Variants in TENM3 observed in about 807,000 individuals in gnomAD.
TENM3 encodes the protein teneurin-3.
TENM3 carries 63 observed loss-of-function variants against 255.1 expected under a neutral mutation model. The ratio of observed to expected loss-of-function variants is 0.25; its 90% CI spans 0.20 to 0.30. TENM3 has a LOEUF of 0.30. Among genes scored for constraint, TENM3 ranks in the 10% least tolerant of loss-of-function variants. The pLI, the probability that TENM3 is intolerant of heterozygous loss-of-function variation, is 1.00. For synonymous variants in TENM3, 1,306 were observed against 1,322.3 expected (o/e 0.99, Z 0.27); for missense variants, 2,929 against 3,461.1 (o/e 0.85, Z 3.86).
chr4:182,678,874 A>G (rs760860297), intron 7 of TENM3, among the ~76,000 whole-genome samples: 11 of 152,184 alleles, frequency 7.2e-5, no homozygotes, highest in South Asian at 2.1e-4. Context: ...AAAGTCAAAT[A>G]CTGCATGTTC....
chr4:182,126,790 C>T, the TENM3 span, among the ~76,000 whole-genome samples: 1 of 152,186 alleles, frequency 6.6e-6, no homozygotes, highest in Non-Finnish European at 1.5e-5. Flanking sequence ...CTGACTATGC[C>T]TATGGTCTGT....
chr4:182,775,380 T>C (rs994700159), intron 24 of TENM3, among the ~76,000 whole-genome samples: 3 of 151,898 alleles, frequency 2.0e-5, no homozygotes, highest in African/African-American at 7.3e-5. Context: ...AATAGGACAC[T>C]AGAGGGAAAA....
chr4:181,534,953 A>G, the TENM3 span, among the ~76,000 whole-genome samples: 3 of 152,192 alleles, frequency 2.0e-5, no homozygotes, highest in South Asian at 6.2e-4. Context: ...AAGGAGGGTG[A>G]GCCTTTCTTT....
intron 3 of TENM3, among the ~76,000 whole-genome samples, chr4:182,469,985 G>C (rs538695185): frequency 6.6e-6 from 1 of 152,036 alleles, no homozygotes; most frequent in African/African-American, 2.4e-5. Context: ...AATATCCAGC[G>C]GGGACAGGGC....
At chr4:181,970,316 A>G in the TENM3 span, among the ~76,000 whole-genome samples, 1 of 152,234 alleles carries the variant, frequency 6.6e-6, no homozygotes, top group East Asian at 1.9e-4. Context: ...GATCTACAGC[A>G]AATTAGGTCA....
At chr4:182,258,071 G>A (rs1484159914) in intron 1 of TENM3, among the ~76,000 whole-genome samples, 1 of 151,728 alleles carries the variant, frequency 6.6e-6, no homozygotes, top group African/African-American at 2.4e-5. Context: ...TATATATGTA[G>A]ATATATACAC....
At chr4:182,014,858 C>T in the TENM3 span, among the ~76,000 whole-genome samples, 290 of 152,168 alleles carry the variant, frequency 1.9e-3, 2 homozygotes, top group Middle Eastern at 3.4e-3. Flanking sequence ...CATTTCCAAC[C>T]GACATGCAGA....
chr4:182,225,021 C>T (rs780450854), intron 1 of TENM3, among the ~76,000 whole-genome samples: 27 of 152,226 alleles, frequency 1.8e-4, no homozygotes, highest in Non-Finnish European at 3.4e-4. Flanking sequence ...CAGGAGCCAC[C>T]GCTCCCTGGC....
chr4:181,755,317 G>A, the TENM3 span, among the ~76,000 whole-genome samples: 3 of 151,848 alleles, frequency 2.0e-5, no homozygotes, highest in Admixed American at 6.6e-5. Flanking sequence ...ACTTTCCAAT[G>A]TACTAGTTTT....
At chr4:181,690,509 TTG>T in the TENM3 span, among the ~76,000 whole-genome samples, 153 of 152,308 alleles carry the variant, frequency 1.0e-3, no homozygotes, top group African/African-American at 3.4e-3. Context: ...AAATAAATAA[TTG>T]TCTTTTCTGA....
intron 3 of TENM3, among the ~76,000 whole-genome samples, chr4:182,502,675 C>G (rs1238793188): frequency 6.6e-6 from 1 of 151,978 alleles, no homozygotes; most frequent in East Asian, 1.9e-4. Context: ...CCTCTTTTAA[C>G]TCTGAGAATG....
At chr4:181,813,541 A>G in the TENM3 span, among the ~76,000 whole-genome samples, 1 of 152,244 alleles carries the variant, frequency 6.6e-6, no homozygotes, top group Non-Finnish European at 1.5e-5. Context: ...ACCCAGATCC[A>G]GCATACACAA....
chr4:182,141,560 G>C (rs766227194), upstream of TENM3: 1 of 152,222 alleles, frequency 6.6e-6, no homozygotes, highest in Admixed American at 6.5e-5. Context: ...GGCAGACGTA[G>C]AGGAGGACCC....
At chr4:181,967,874 G>A in the TENM3 span, among the ~76,000 whole-genome samples, 1 of 152,118 alleles carries the variant, frequency 6.6e-6, no homozygotes, top group African/African-American at 2.4e-5. Context: ...ATTTCACACA[G>A]TTTGGCTGCT....
chr4:182,358,641 A>G (rs1448581184), intron 3 of TENM3, among the ~76,000 whole-genome samples: 3 of 151,162 alleles, frequency 2.0e-5, no homozygotes. Context: ...GGTTTTCTAG[A>G]TATACAATCA....
chr4:181,760,466 TTCCCACTGTTAACA>T, the TENM3 span, among the ~76,000 whole-genome samples: 1 of 152,204 alleles, frequency 6.6e-6, no homozygotes, highest in East Asian at 1.9e-4. Flanking sequence ...ATTGTGTAAT[TTCCCACTGTTAACA>T]CAGAATTAAT....
At chr4:181,465,290 A>C in the TENM3 span, among the ~76,000 whole-genome samples, 1 of 152,048 alleles carries the variant, frequency 6.6e-6, no homozygotes, top group Non-Finnish European at 1.5e-5. Flanking sequence ...GAAAAAAAAA[A>C]AAACTTGGTA....
chr4:181,641,762 A>G, the TENM3 span, among the ~76,000 whole-genome samples: 2 of 120,726 alleles, frequency 1.7e-5, no homozygotes, highest in South Asian at 2.6e-4. Context: ...TGGTGTGTAT[A>G]TATATATATA....
chr4:182,356,484 T>C lies in TENM3; in HGVS notation c.511+9555T>C, dbSNP rs568705048. On this transcript the variant is annotated intron_variant, in intron 3 of 27. Coordinates refer to ENST00000511685, the MANE Select transcript of TENM3 (RefSeq NM_001080477.4). Reference sequence around the variant, plus strand: ...AGCTCAACTAAGGAAGGAGAGAGCGTGGCTGAGGGATCCAGGGATGGAGGT... The same window carrying C: ...AGCTCAACTAAGGAAGGAGAGAGCGCGGCTGAGGGATCCAGGGATGGAGGT... Among the ~76,000 whole-genome samples the C allele has an allele frequency of 2.0e-5, 3 of 152,192 alleles. No individual in the cohort carries two copies. The East Asian group carries it at 5.8e-4, about 30-fold the overall frequency.
Sources: allele counts gnomAD v4.1 joint callset (sites outside exome capture counted in the v4.1 genomes callset), GRCh38; gene constraint gnomAD v4.1.1; transcripts MANE v1.5; gene names NCBI Gene and HGNC (gene_info 2026-07-23, HGNC 2026-07-21).